The following NCOR2 variants were observed in gnomAD, a reference collection of about 807,000 sequenced individuals.
NCOR2 encodes the protein CTG repeat protein 26.
A neutral mutation model predicts 262.9 loss-of-function variants in NCOR2; 81 were observed. The observed-to-expected ratio is 0.31, with a 90% CI of 0.26 to 0.37. The LOEUF (loss-of-function observed/expected upper bound fraction) is 0.37, where lower values mean the gene tolerates loss of function less well. Among genes scored for constraint, NCOR2 ranks in the 10% least tolerant of loss-of-function variants. NCOR2 has a pLI of 1.00. For synonymous variants in NCOR2, 1,659 were observed against 1,559.3 expected (o/e 1.06, Z -1.51); for missense variants, 3,385 against 3,621.4 (o/e 0.93, Z 1.68).
chr12:124,464,092 G>C (rs559421136), intron 5 of NCOR2, among the ~76,000 whole-genome samples: 3 of 152,342 alleles, frequency 2.0e-5, no homozygotes, highest in African/African-American at 4.8e-5. Flanking sequence ...TGGGGACAAG[G>C]GCTAAGGAGA....
intron 22 of NCOR2, among the ~76,000 whole-genome samples, chr12:124,358,310 C>CAT (rs1325471773): frequency 5.3e-5 from 5 of 93,774 alleles, no homozygotes; most frequent in African/African-American, 9.1e-5. Flanking sequence ...CGTGTATGTG[C>CAT]GTGTGTGTGA....
chr12:124,553,112 C>G (rs1234122852), intron 1 of NCOR2, among the ~76,000 whole-genome samples: 1 of 152,208 alleles, frequency 6.6e-6, no homozygotes, highest in African/African-American at 2.4e-5. Context: ...GTCCATCACC[C>G]TTTATGGCTT....
chr12:124,355,070 GCAGA>G (rs2037838221), intron 24 of NCOR2, 131 bp from the exon 27 acceptor site: 5 of 755,680 alleles, frequency 6.6e-6, no homozygotes, highest in Non-Finnish European at 8.5e-6. Context: ...CTGTGTGACG[GCAGA>G]CAAGTCACTG....
intron 16 of NCOR2, chr12:124,388,969 C>T (rs1032050855): frequency 1.3e-4 from 99 of 742,272 alleles, no homozygotes; most frequent in Non-Finnish European, 1.6e-4. Context: ...CTCACAAGTC[C>T]GCCTGCCTGT....
chr12:124,345,214 C>T (rs1332824357), intron 31 of NCOR2, among the ~76,000 whole-genome samples: 1 of 152,152 alleles, frequency 6.6e-6, no homozygotes, highest in Non-Finnish European at 1.5e-5. Context: ...ACAGTCAACT[C>T]TCCCTGCCGC....
intron 10 of NCOR2, among the ~76,000 whole-genome samples, chr12:124,428,173 G>C (rs2043700957): frequency 6.6e-6 from 1 of 151,848 alleles, no homozygotes; most frequent in Non-Finnish European, 1.5e-5. Context: ...CCTCCTTCCA[G>C]TGCAGACTAA....
chr12:124,437,032 G>A (rs1235610509), intron 8 of NCOR2, among the ~76,000 whole-genome samples: 1 of 152,116 alleles, frequency 6.6e-6, no homozygotes, highest in Non-Finnish European at 1.5e-5. Context: ...GCTGCAGTGA[G>A]TAGAGACCCT....
intron 8 of NCOR2, among the ~76,000 whole-genome samples, chr12:124,435,933 C>T (rs971573762): frequency 6.6e-6 from 1 of 152,214 alleles, no homozygotes; most frequent in South Asian, 2.1e-4. Context: ...GCTGACCAAG[C>T]GCCCACCTCG....
At chr12:124,385,962 C>T (rs2040771717) in intron 16 of NCOR2, 75 bp from the exon 19 acceptor site, 27 of 1,533,854 alleles carry the variant, frequency 1.8e-5, no homozygotes, top group South Asian at 3.7e-5. Flanking sequence ...ATGGCCTGGG[C>T]GGCAAACGGG....
chr12:124,467,614 AC>A (rs1242190012), intron 4 of NCOR2, among the ~76,000 whole-genome samples: 1 of 76,996 alleles, frequency 1.3e-5, no homozygotes, highest in African/African-American at 5.4e-5. Context: ...CATCCTCATT[AC>A]CCCCCTCATC....
At position 124,347,819 on chromosome 12, in the gene NCOR2, C is replaced by A. The variant is rs1417331440; in HGVS notation, c.4072+6G>T. ...GGCAACGAGGGAGCAGGGAACAGGG[C>A]AGTACCTTGTGTGATGGACCCGCGG... On this transcript the variant is annotated splice_donor_region_variant and intron_variant, in intron 30 of 46. Transcript: ENST00000405201. 3.3e-5 allele frequency: 51 copies of A among 1,559,716 alleles called. No homozygotes were observed. In the Middle Eastern group the frequency reaches 5.0e-4, roughly 15 times the overall value.
At chr12:124,561,745 G>A (rs1440638316) in intron 1 of NCOR2, 1 of 152,412 alleles carries the variant, frequency 6.6e-6, no homozygotes, top group Admixed American at 6.5e-5. Flanking sequence ...GCCAGACGCA[G>A]TGGCTCACGC....
chr12:124,419,865 C>T, intron 13 of NCOR2, 92 bp downstream of exon 15: 2 of 1,149,938 alleles, frequency 1.7e-6, no homozygotes, highest in East Asian at 2.4e-5. Flanking sequence ...GAGACAGTTA[C>T]CGCCAGCCAT....
exon 45 of NCOR2, chr12:124,327,509 G>A (rs746277046): frequency 1.4e-5 from 22 of 1,613,760 alleles, no homozygotes; most frequent in Admixed American, 1.2e-4. Context: ...AAGCATTGGC[G>A]CTGAGCGGCG....
chr12:124,543,705 G>A (rs2051452155), intron 1 of NCOR2, among the ~76,000 whole-genome samples: 2 of 152,228 alleles, frequency 1.3e-5, no homozygotes, highest in African/African-American at 2.4e-5. Context: ...GAAGGGGGAC[G>A]CGGGCTCTGT....
chr12:124,416,752 G>A (rs1194082349), intron 13 of NCOR2, among the ~76,000 whole-genome samples: 3 of 144,826 alleles, frequency 2.1e-5, no homozygotes, highest in Admixed American at 1.4e-4. Flanking sequence ...GATAGACCCC[G>A]CGGCACAGGG....
At chr12:124,340,344 G>T (rs772637284) in exon 36 of NCOR2, 2 of 1,612,920 alleles carry the variant, frequency 1.2e-6, no homozygotes, top group Non-Finnish European at 8.5e-7. Flanking sequence ...CGTGAGGATG[G>T]ACTTTTCCCG....
chr12:124,439,786 G>T (rs894146749), intron 7 of NCOR2, among the ~76,000 whole-genome samples: 1 of 151,944 alleles, frequency 6.6e-6, no homozygotes, highest in South Asian at 2.1e-4. Flanking sequence ...CAAAGGAAGG[G>T]GACAGAGACT....
Position 124,327,391 on chromosome 12 carries a change from C to T in NCOR2, c.7183+18G>A, listed in dbSNP as rs199929110. ...GGGGTGGGGACAGACGGGGGCGGGG[C>T]GGGGGTGGCCTGCAGACCTGGCGAG... is the stretch of plus-strand genomic sequence containing the variant. On this transcript the variant is annotated intron_variant, in intron 45 of 46. Coordinates refer to ENST00000405201, the Ensembl canonical transcript of NCOR2. The T allele has an allele frequency of 4.1e-3, 5,644 of 1,377,004 alleles. 27 individuals are homozygous for T. The highest frequency in any genetic ancestry group is 5.2e-3 in the Admixed American group (245 of 47,170). 85.3% of individuals were successfully genotyped at this position (1,377,004 alleles called of 1,614,324 possible). A position where few individuals can be genotyped will look rare whatever the true frequency, so the allele number is the denominator to read the frequency against.
Sources: gnomAD v4.1 joint callset for allele counts (sites outside exome capture counted in the v4.1 genomes callset) on GRCh38, gnomAD v4.1.1 for gene constraint, MANE v1.5 for transcripts, NCBI Gene and HGNC (gene_info 2026-07-23, HGNC 2026-07-21) for gene names.